GSTA5: variants seen among roughly 807,000 people sequenced by gnomAD.
GSTA5 encodes the protein glutathione S-transferase alpha 5.
GSTA5 carries 25 observed loss-of-function variants against 21.8 expected under a neutral mutation model. The observed-to-expected ratio is 1.14, with a 90% CI of 0.83 to 1.60. The LOEUF is 1.60. Among genes scored for constraint, GSTA5 ranks in the 40% most tolerant of loss-of-function variants. The pLI, the probability that GSTA5 is intolerant of heterozygous loss-of-function variation, is 0.00. For synonymous variants in GSTA5, 102 were observed against 89.5 expected (o/e 1.14, Z -0.78); for missense variants, 330 against 259.2 (o/e 1.27, Z -1.88).
chr6:52,833,032 C>A, intron 4 of GSTA5, 42 bp from the exon 5 acceptor site: 1 of 1,611,626 alleles, frequency 6.2e-7, no homozygotes, highest in Non-Finnish European at 8.5e-7. Context: ...CATGCACACC[C>A]AGGCTGGGAC....
upstream of GSTA5, among the ~76,000 whole-genome samples, chr6:52,842,668 G>T (rs1581819472): frequency 6.6e-6 from 1 of 152,084 alleles, no homozygotes; most frequent in African/African-American, 2.4e-5. Flanking sequence ...GCCTTCCAAA[G>T]TGCTGGAATT....
At chr6:52,840,625 G>T in intron 1 of GSTA5, 102 bp downstream of exon 1, 1 of 1,065,862 alleles carries the variant, frequency 9.4e-7, no homozygotes, top group Non-Finnish European at 1.4e-6. Flanking sequence ...TTTTATTTAA[G>T]GCACAATGCT....
intron 1 of GSTA5, among the ~76,000 whole-genome samples, chr6:52,837,928 G>A (rs958120221): frequency 6.6e-6 from 1 of 152,202 alleles, no homozygotes; most frequent in Non-Finnish European, 1.5e-5. Flanking sequence ...TTATGGTGTT[G>A]TCATATCTTA....
chr6:52,838,325 C>T (rs1410720589), intron 1 of GSTA5, among the ~76,000 whole-genome samples: 2 of 152,198 alleles, frequency 1.3e-5, no homozygotes, highest in African/African-American at 4.8e-5. Flanking sequence ...CTCTCTGTGT[C>T]TGAGTATGCT....
chr6:52,842,783 G>T (rs553755382), upstream of GSTA5, among the ~76,000 whole-genome samples: 2 of 152,052 alleles, frequency 1.3e-5, no homozygotes, highest in African/African-American at 4.8e-5. Flanking sequence ...TTAAATTCTG[G>T]GGTACATGTG....
intron 3 of GSTA5, 25 bp downstream of exon 3, chr6:52,836,211 T>C (rs747532696): frequency 2.5e-6 from 4 of 1,610,486 alleles, no homozygotes; most frequent in Admixed American, 1.7e-5. Flanking sequence ...TCTCTGTGGA[T>C]GGAAGAACAG....
rs779651066 is a variant in GSTA5, at chr6:52,837,576, A to G, written c.121T>C (p.Leu41=). 8 of 1,608,380 alleles carry G rather than the reference A, an allele frequency of 5.0e-6. 1 individual carries two copies. The African/African-American group carries it at 8.0e-5, about 16-fold the overall frequency. Reference sequence around the variant, plus strand: ...ATCTTACCATTTCTTAACTTGTCCAAATCTTCTGCAGATTCTAGAAATTTC... The same window carrying G: ...ATCTTACCATTTCTTAACTTGTCCAGATCTTCTGCAGATTCTAGAAATTTC... The change falls in exon 2 of 6, where the codon TTG becomes CTG. Residue 41 remains leucine, a synonymous_variant. Coordinates refer to ENST00000370989, the Ensembl canonical transcript of GSTA5.
intron 1 of GSTA5, among the ~76,000 whole-genome samples, chr6:52,839,482 A>C (rs1256654715): frequency 1.3e-5 from 2 of 152,194 alleles, no homozygotes; most frequent in Non-Finnish European, 2.9e-5. Flanking sequence ...TCTTCATAGA[A>C]CTGAGAAAGG....
At chr6:52,834,110 G>C (rs375290367) in intron 4 of GSTA5, 31 bp downstream of exon 4, 6 of 1,613,630 alleles carry the variant, frequency 3.7e-6, no homozygotes, top group Non-Finnish European at 4.2e-6. Context: ...TCTAAACTCA[G>C]TTCCCCTAAA....
upstream of GSTA5, among the ~76,000 whole-genome samples, chr6:52,841,939 T>C (rs1764382351): frequency 6.6e-6 from 1 of 152,208 alleles, no homozygotes; most frequent in South Asian, 2.1e-4. Flanking sequence ...CTTTTTAAAA[T>C]AAAATAGAAA....
chr6:52,832,854 G>A lies in GSTA5; in HGVS notation c.546+5C>T, dbSNP rs1160627148. 2 of 1,613,782 alleles carry A rather than the reference G, an allele frequency of 1.2e-6. No homozygotes were observed. Among genetic ancestry groups the A allele is most frequent in the South Asian group, 2.2e-5 (2 of 91,048 alleles). On this transcript the variant is annotated splice_donor_5th_base_variant and intron_variant, in intron 5 of 5. Coordinates refer to ENST00000370989, the Ensembl canonical transcript of GSTA5. ...GCTGTCTCTCTGGGCTGTGAAATGG[G>A]TCACCTTCAGCAGAGGGAAGCTGGA...
chr6:52,843,659 A>C (rs1446862909), upstream of GSTA5, among the ~76,000 whole-genome samples: 1 of 152,202 alleles, frequency 6.6e-6, no homozygotes, highest in Non-Finnish European at 1.5e-5. Context: ...TTCTGTGATT[A>C]GATATTTTGA....
rs1232186219 is a variant in GSTA5 at position 52,835,871 on chromosome 6, A to T, written c.272+365T>A. Among the ~76,000 whole-genome samples the T allele has an allele frequency of 1.3e-5, 2 of 152,156 alleles. 1 individual carries two copies. The highest frequency in any genetic ancestry group is 6.3e-3 in the Middle Eastern group (2 of 316). On this transcript the variant is annotated intron_variant, in intron 3 of 5. Transcript: ENST00000370989. ...CTTCCCTCCCCAGGCCTTCATCTACAGACTCTCAGACATTCTATGCCTTGC... is the reference window on the plus strand; with the variant it reads ...CTTCCCTCCCCAGGCCTTCATCTACTGACTCTCAGACATTCTATGCCTTGC...
At chr6:52,832,792 G>C in intron 5 of GSTA5, 67 bp downstream of exon 5, 1 of 1,608,698 alleles carries the variant, frequency 6.2e-7, no homozygotes, top group South Asian at 1.1e-5. Context: ...GTCAGTCCCG[G>C]GGCCCAGATA....
At chr6:52,833,141 T>C in intron 4 of GSTA5, 151 bp from the exon 5 acceptor site, 2 of 893,204 alleles carry the variant, frequency 2.2e-6, no homozygotes, top group South Asian at 3.2e-5. Context: ...ATTATCTGAA[T>C]GAATGAGAGA....
At chr6:52,833,304 C>A (rs894070100) in intron 4 of GSTA5, among the ~76,000 whole-genome samples, 3 of 152,176 alleles carry the variant, frequency 2.0e-5, no homozygotes, top group Non-Finnish European at 2.9e-5. Context: ...GTTCTGTCTG[C>A]CCCAGGCCCT....
At chr6:52,833,060 C>T in intron 4 of GSTA5, 70 bp from the exon 5 acceptor site, 1 of 1,572,432 alleles carries the variant, frequency 6.4e-7, no homozygotes, top group South Asian at 1.1e-5. Flanking sequence ...TCTTTCAGAG[C>T]CTCTCCACCC....
chr6:52,840,949 A>T, upstream of GSTA5: 2 of 753,076 alleles, frequency 2.7e-6, no homozygotes, highest in Middle Eastern at 3.9e-4. Context: ...CTTCTTCATG[A>T]CTGGGTTGAA....
At chr6:52,837,240 G>A (rs752978118) in intron 2 of GSTA5, among the ~76,000 whole-genome samples, 1 of 152,146 alleles carries the variant, frequency 6.6e-6, no homozygotes, top group Non-Finnish European at 1.5e-5. Flanking sequence ...GTGCTTGGAT[G>A]GGGAGGGCTC....
Sources: allele counts gnomAD v4.1 joint callset (sites outside exome capture counted in the v4.1 genomes callset), GRCh38; gene constraint gnomAD v4.1.1; transcripts MANE v1.5; gene names NCBI Gene and HGNC (gene_info 2026-07-23, HGNC 2026-07-21).